SLC2A13: variants seen among roughly 807,000 people sequenced by gnomAD.
SLC2A13 encodes solute carrier family 2 member 13, also known as proton myo-inositol cotransporter.
SLC2A13 carries 32 observed loss-of-function variants against 64.4 expected under a neutral mutation model. The observed-to-expected ratio is 0.50, with a 90% confidence interval of 0.37 to 0.67. SLC2A13 has a LOEUF of 0.67. SLC2A13 is among the 30% of genes least tolerant of loss of function. SLC2A13 has a pLI of 0.00. For missense variants in SLC2A13, 743 were observed against 829.2 expected, an observed-to-expected ratio of 0.90 and a Z score of 1.28; for synonymous variants, 338 against 327.1, an observed-to-expected ratio of 1.03 and a Z score of -0.36.
intron 3 of SLC2A13, among the ~76,000 whole-genome samples, chr12:39,998,288 A>C (rs1947266133): frequency 6.6e-6 from 1 of 152,264 alleles, no homozygotes; most frequent in Admixed American, 6.5e-5. Flanking sequence ...CAGGAATGGA[A>C]AACCAAACAT....
intron 6 of SLC2A13, among the ~76,000 whole-genome samples, chr12:39,833,521 T>C (rs1249943697): frequency 6.6e-6 from 1 of 152,064 alleles, no homozygotes; most frequent in African/African-American, 2.4e-5. Flanking sequence ...AATGTCTTCA[T>C]ATTTAGGTTT....
intron 7 of SLC2A13, among the ~76,000 whole-genome samples, chr12:39,789,340 ATAT>A (rs1205916112): frequency 6.6e-6 from 1 of 152,046 alleles, no homozygotes; most frequent in African/African-American, 2.4e-5. Context: ...TAATTTCTTA[ATAT>A]TATGCTTTTG....
chr12:39,914,511 T>C (rs146921193), intron 4 of SLC2A13, among the ~76,000 whole-genome samples: 118 of 152,030 alleles, frequency 7.8e-4, no homozygotes, highest in Admixed American at 7.2e-3. Flanking sequence ...CTCAGAGTAC[T>C]GGAGAGAAAA....
At chr12:39,904,167 T>C (rs1237178754) in intron 4 of SLC2A13, among the ~76,000 whole-genome samples, 1 of 152,166 alleles carries the variant, frequency 6.6e-6, no homozygotes, top group African/African-American at 2.4e-5. Flanking sequence ...TGCACTTCTT[T>C]CTTTAGCAAT....
intron 1 of SLC2A13, among the ~76,000 whole-genome samples, chr12:40,073,709 C>T (rs1415719649): frequency 6.6e-6 from 1 of 151,990 alleles, no homozygotes; most frequent in African/African-American, 2.4e-5. Context: ...TTTCACTCCA[C>T]TCTCTTCTTG....
intron 4 of SLC2A13, among the ~76,000 whole-genome samples, chr12:39,928,116 T>C (rs1246008851): frequency 6.6e-6 from 1 of 152,214 alleles, no homozygotes; most frequent in African/African-American, 2.4e-5. Context: ...GCAACATTAT[T>C]TTGAAAAGGG....
At chr12:40,023,858 A>G (rs1179157557) in intron 3 of SLC2A13, among the ~76,000 whole-genome samples, 1 of 152,234 alleles carries the variant, frequency 6.6e-6, no homozygotes, top group Non-Finnish European at 1.5e-5. Flanking sequence ...CAATGAATGA[A>G]AACTGGAACT....
chr12:40,075,696 ATT>A (rs1938143793), intron 1 of SLC2A13, among the ~76,000 whole-genome samples: 1 of 152,146 alleles, frequency 6.6e-6, no homozygotes, highest in Non-Finnish European at 1.5e-5. Flanking sequence ...TTCTTCAGAT[ATT>A]TGTTTTTCCT....
chr12:40,045,202 A>C (rs758382210), intron 2 of SLC2A13, among the ~76,000 whole-genome samples: 3 of 152,112 alleles, frequency 2.0e-5, no homozygotes, highest in Non-Finnish European at 4.4e-5. Flanking sequence ...AGAAGCAATA[A>C]AAGCCAAAAA....
At chr12:40,030,989 T>C (rs2136219171) in intron 2 of SLC2A13, among the ~76,000 whole-genome samples, 1 of 152,330 alleles carries the variant, frequency 6.6e-6, no homozygotes, top group African/African-American at 2.4e-5. Context: ...AAAAAAATGT[T>C]TTATACGTTT....
In SLC2A13 at chr12:39,978,366, A is replaced by G. The variant is rs557584174; in HGVS notation, c.926-27001T>C. 4.1e-3 allele frequency among the ~76,000 whole-genome samples: 622 copies of G among 152,328 alleles called. 1 individual carries two copies. Among genetic ancestry groups the G allele is most frequent in the Non-Finnish European group, 7.6e-3 (515 of 68,024 alleles). Reference sequence around the variant, plus strand: ...AGCTCCAGTCTACAGCTCCCAGCGTAAGCGATGCAGAAGACGGGTGATTTC... The same window carrying G: ...AGCTCCAGTCTACAGCTCCCAGCGTGAGCGATGCAGAAGACGGGTGATTTC... On this transcript the variant is annotated intron_variant, in intron 3 of 9. Coordinates refer to ENST00000280871, the MANE Select transcript of SLC2A13 (RefSeq NM_052885.4).
At chr12:39,791,194 C>T (rs1941391110) in intron 7 of SLC2A13, among the ~76,000 whole-genome samples, 1 of 151,304 alleles carries the variant, frequency 6.6e-6, no homozygotes, top group Non-Finnish European at 1.5e-5. Context: ...TAAAAACTCT[C>T]AATAAATTAG....
chr12:40,086,102 G>A (rs1351894884), intron 1 of SLC2A13, among the ~76,000 whole-genome samples: 2 of 152,170 alleles, frequency 1.3e-5, no homozygotes, highest in Non-Finnish European at 2.9e-5. Flanking sequence ...CTCCCAAAGT[G>A]CTGGGATTAC....
In SLC2A13 at chr12:39,764,463, A is replaced by G; in HGVS notation, c.1717T>C (p.Tyr573His). The G allele has an allele frequency of 1.3e-6, 2 of 1,570,348 alleles. No individual in the cohort carries two copies. Among genetic ancestry groups the G allele is most frequent in the East Asian group, 2.2e-5 (1 of 44,520 alleles). ...GTTAGAAAAAATATTATCTTACCAT[A>G]GTATGTAAGATACTCTGCTGTGTGT... is the stretch of plus-strand genomic sequence containing the variant. ...FLHTAEYLTY[Y>H]GAFFLYAGFA... The change falls in exon 9 of 10, where the codon TAT becomes CAT. Residue 573 changes from tyrosine (Y) to histidine (H), a missense_variant. This residue lies in a region of SLC2A13 where 295 missense variants were observed against 381.7 expected (regional missense o/e 0.77). Coordinates refer to ENST00000280871, the MANE Select transcript of SLC2A13 (RefSeq NM_052885.4).
chr12:40,098,258 G>A (rs530501451), intron 1 of SLC2A13, among the ~76,000 whole-genome samples: 1 of 152,274 alleles, frequency 6.6e-6, no homozygotes, highest in South Asian at 2.1e-4. Flanking sequence ...AATACTGCAT[G>A]ATTCCACTTA....
chr12:39,767,528 C>G (rs1315690126), intron 7 of SLC2A13, among the ~76,000 whole-genome samples: 1 of 152,014 alleles, frequency 6.6e-6, no homozygotes, highest in African/African-American at 2.4e-5. Flanking sequence ...AGAGACCCAG[C>G]CTGTCCTTTG....
intron 3 of SLC2A13, among the ~76,000 whole-genome samples, chr12:39,986,221 G>T (rs899133859): frequency 4.6e-5 from 7 of 152,056 alleles, no homozygotes; most frequent in African/African-American, 1.7e-4. Context: ...GGGAGATGGG[G>T]CCTAACCTTG....
intron 3 of SLC2A13, among the ~76,000 whole-genome samples, chr12:39,975,474 T>G (rs767040590): frequency 1.3e-5 from 2 of 152,258 alleles, no homozygotes; most frequent in Non-Finnish European, 2.9e-5. Flanking sequence ...AGACAATGCC[T>G]AAATTTTTGC....
intron 7 of SLC2A13, among the ~76,000 whole-genome samples, chr12:39,823,708 C>G (rs997346339): frequency 6.6e-6 from 1 of 152,172 alleles, no homozygotes; most frequent in Non-Finnish European, 1.5e-5. Context: ...TTTCACCTCT[C>G]GAGTAGCTGG....
Sources: gnomAD v4.1 joint callset for allele counts (sites outside exome capture counted in the v4.1 genomes callset) on GRCh38, gnomAD v4.1.1 for gene constraint, gnomAD v4.1.1 regional missense constraint, MANE v1.5 for transcripts, NCBI Gene and HGNC (gene_info 2026-07-23, HGNC 2026-07-21) for gene names.